TMEM209: variants seen among roughly 807,000 people sequenced by gnomAD.
The protein encoded by TMEM209 is transmembrane protein 209.
In TMEM209, 65 loss-of-function variants were observed where a neutral mutation model predicts 76.2. The observed-to-expected ratio is 0.85, with a 90% confidence interval of 0.70 to 1.05. The LOEUF is 1.05. Among genes scored for constraint, TMEM209 ranks in the 50% least tolerant of loss-of-function variants. TMEM209 has a pLI of 0.00. For synonymous variants in TMEM209, 239 were observed against 237.6 expected, an observed-to-expected ratio of 1.01 and a Z score of -0.06; for missense variants, 623 against 685.5, an observed-to-expected ratio of 0.91 and a Z score of 1.02.
chr7:130,187,101 G>C (rs1169130838), intron 6 of TMEM209, among the ~76,000 whole-genome samples: 1 of 151,938 alleles, frequency 6.6e-6, no homozygotes, highest in Non-Finnish European at 1.5e-5. Flanking sequence ...AAATTAGCCA[G>C]GTATGGTGGT....
At position 130,173,811 on chromosome 7, in the gene TMEM209, G is replaced by C; in HGVS notation, c.1459+14C>G. ...GTGAAAATCTCAACACATTCTTTTAGGAGAGGTTTATACCTGGTTTATTTG... is the reference window on the plus strand; with the variant it reads ...GTGAAAATCTCAACACATTCTTTTACGAGAGGTTTATACCTGGTTTATTTG... On this transcript the variant is annotated intron_variant, in intron 12 of 14. Coordinates refer to ENST00000397622, the MANE Select transcript of TMEM209 (RefSeq NM_032842.4). 1 of 1,610,912 alleles carries C rather than the reference G, an allele frequency of 6.2e-7. No homozygotes were observed. Among genetic ancestry groups the C allele is most frequent in the Non-Finnish European group, 8.5e-7 (1 of 1,177,140 alleles).
chr7:130,201,664 A>AT, intron 5 of TMEM209, 186 bp downstream of exon 5: 1 of 739,552 alleles, frequency 1.4e-6, no homozygotes, highest in Non-Finnish European at 2.1e-6. Flanking sequence ...GTAAATGCTA[A>AT]TTTTTTCTCT....
chr7:130,191,581 A>G (rs1387721312), intron 6 of TMEM209, among the ~76,000 whole-genome samples: 1 of 152,116 alleles, frequency 6.6e-6, no homozygotes, highest in Non-Finnish European at 1.5e-5. Context: ...CACAAAATTG[A>G]TAGGTACAGA....
chr7:130,205,273 T>G, intron 1 of TMEM209, 100 bp downstream of exon 1: 1 of 1,611,294 alleles, frequency 6.2e-7, no homozygotes, highest in Non-Finnish European at 8.5e-7. Context: ...CCTAGCCACA[T>G]CCCCCTTGGC....
chr7:130,193,510 G>A (rs1797868427), intron 5 of TMEM209, among the ~76,000 whole-genome samples: 1 of 151,448 alleles, frequency 6.6e-6, no homozygotes, highest in Non-Finnish European at 1.5e-5. Context: ...CTGCACTCCA[G>A]CCTGGACAAT....
chr7:130,200,784 ATTAATT>A (rs1421013192), intron 5 of TMEM209, among the ~76,000 whole-genome samples: 4 of 152,296 alleles, frequency 2.6e-5, no homozygotes, highest in African/African-American at 7.2e-5. Flanking sequence ...ACCTGCCAAA[ATTAATT>A]TTAATATTGG....
intron 14 of TMEM209, 70 bp downstream of exon 14, chr7:130,170,330 T>C: frequency 7.7e-7 from 1 of 1,306,020 alleles, no homozygotes; most frequent in South Asian, 1.3e-5. Context: ...GCTGCTGCCT[T>C]CTGCAGAATC....
chr7:130,203,265 C>T (rs1404260014), intron 3 of TMEM209, among the ~76,000 whole-genome samples: 1 of 152,198 alleles, frequency 6.6e-6, no homozygotes, highest in Non-Finnish European at 1.5e-5. Flanking sequence ...ATGATTCTAA[C>T]TGAGGTCTGC....
chr7:130,196,302 T>G (rs1436437983), intron 5 of TMEM209, among the ~76,000 whole-genome samples: 1 of 151,340 alleles, frequency 6.6e-6, no homozygotes, highest in Admixed American at 6.6e-5. Context: ...CATTTTGGTT[T>G]TCTACTTCTT....
chr7:130,200,981 C>T (rs749704456), intron 5 of TMEM209, among the ~76,000 whole-genome samples: 1 of 146,542 alleles, frequency 6.8e-6, no homozygotes, highest in Admixed American at 7.0e-5. Flanking sequence ...CCCAGCTACT[C>T]GGGAGGCTGA....
intron 6 of TMEM209, among the ~76,000 whole-genome samples, chr7:130,187,795 A>G (rs1562892583): frequency 6.6e-6 from 1 of 152,336 alleles, no homozygotes; most frequent in African/African-American, 2.4e-5. Context: ...CTCAAAGTCA[A>G]TAATACTCCT....
chr7:130,202,797 T>C, intron 3 of TMEM209, 134 bp from the exon 4 acceptor site: 1 of 1,079,750 alleles, frequency 9.3e-7, no homozygotes, highest in Non-Finnish European at 1.2e-6. Flanking sequence ...ATGAATGTTA[T>C]GTGTAGGGTG....
intron 13 of TMEM209, among the ~76,000 whole-genome samples, chr7:130,172,072 G>T (rs1584665498): frequency 6.6e-6 from 1 of 151,862 alleles, no homozygotes; most frequent in Admixed American, 6.6e-5. Context: ...TGTAATCTTA[G>T]CTACTCAAGA....
intron 10 of TMEM209, among the ~76,000 whole-genome samples, chr7:130,177,517 T>C (rs578025564): frequency 6.6e-6 from 1 of 152,130 alleles, no homozygotes; most frequent in South Asian, 2.1e-4. Flanking sequence ...CTAGGCAACA[T>C]AGCAAGACCC....
At chr7:130,194,125 G>A (rs551374518) in intron 5 of TMEM209, among the ~76,000 whole-genome samples, 30 of 151,964 alleles carry the variant, frequency 2.0e-4, no homozygotes, top group Admixed American at 1.7e-3. Context: ...CAGGAATCCG[G>A]GAGGCGGAGC....
intron 1 of TMEM209, chr7:130,204,873 C>T: frequency 1.0e-6 from 1 of 953,286 alleles, no homozygotes; most frequent in Non-Finnish European, 1.3e-6. Context: ...CCATTACTAT[C>T]TCAACAACTC....
chr7:130,195,933 C>G (rs1251942337), intron 5 of TMEM209, among the ~76,000 whole-genome samples: 4 of 152,066 alleles, frequency 2.6e-5, no homozygotes, highest in Non-Finnish European at 5.9e-5. Flanking sequence ...TTTTCAATAA[C>G]AGGTACATAT....
Position 130,201,928 on chromosome 7 carries a change from C to T in TMEM209, c.495G>A (p.Gln165=), listed in dbSNP as rs1798218663. The change falls in exon 5 of 15, where the codon CAG becomes CAA. Residue 165 remains glutamine, a synonymous_variant. Coordinates refer to ENST00000397622, the MANE Select transcript of TMEM209 (RefSeq NM_032842.4). ...TTSCMTGYSP[Q]LQGLSSGGSG... is the part of the protein sequence containing the mutation. ...TGCCACCTGAGGACAGACCTTGCAG[C>T]TGAGGGCTGTAACCAGTCATACAGC... 1 of 1,613,882 alleles carries T rather than the reference C, an allele frequency of 6.2e-7. No individual in the cohort carries two copies. The highest frequency in any genetic ancestry group is 1.3e-5 in the African/African-American group (1 of 75,002).
intron 10 of TMEM209, 29 bp from the exon 11 acceptor site, chr7:130,175,638 G>T: frequency 6.5e-7 from 1 of 1,549,612 alleles, no homozygotes. Context: ...ATTTTTAAAA[G>T]CTAAGAGTAT....
Sources: allele counts gnomAD v4.1 joint callset (sites outside exome capture counted in the v4.1 genomes callset), GRCh38; gene constraint gnomAD v4.1.1; transcripts MANE v1.5; gene names NCBI Gene and HGNC (gene_info 2026-07-23, HGNC 2026-07-21).